PPP2R2D: variants seen among roughly 807,000 people sequenced by gnomAD.
The protein encoded by PPP2R2D is serine/threonine-protein phosphatase 2A 55 kDa regulatory subunit B delta isoform.
In PPP2R2D, 9 loss-of-function variants were observed where a neutral mutation model predicts 31.1. The ratio of observed to expected loss-of-function variants is 0.29; its 90% CI spans 0.17 to 0.51. The LOEUF is 0.51. Among genes scored for constraint, PPP2R2D ranks in the 20% least tolerant of loss-of-function variants. PPP2R2D has a pLI of 0.98. For missense variants in PPP2R2D, 391 were observed against 465.6 expected (o/e 0.84, Z 1.48); for synonymous variants, 179 against 172.6 (o/e 1.04, Z -0.29).
At chr10:131,910,617 A>G (rs2035666869) in intron 2 of PPP2R2D, among the ~76,000 whole-genome samples, 1 of 152,222 alleles carries the variant, frequency 6.6e-6, no homozygotes, top group African/African-American at 2.4e-5. Flanking sequence ...AAAAAGGGCT[A>G]GTTCAGCTTG....
chr10:131,971,182 C>G, the PPP2R2D span: 1 of 569,268 alleles, frequency 1.8e-6, no homozygotes, highest in East Asian at 3.0e-5. Flanking sequence ...CTCGCCGCCT[C>G]CAGGGACAGA....
intron 2 of PPP2R2D, among the ~76,000 whole-genome samples, chr10:131,907,311 T>C (rs1356742307): frequency 6.6e-6 from 1 of 152,216 alleles, no homozygotes; most frequent in African/African-American, 2.4e-5. Flanking sequence ...ATCTGTGCCA[T>C]TGAAGAGAAC....
At chr10:131,921,659 A>G (rs185876964) in intron 2 of PPP2R2D, among the ~76,000 whole-genome samples, 7 of 152,328 alleles carry the variant, frequency 4.6e-5, no homozygotes, top group Admixed American at 3.9e-4. Context: ...GAGTTTAAAA[A>G]ATAGAACTCA....
chr10:131,952,864 G>A (rs113243217), intron 8 of PPP2R2D, among the ~76,000 whole-genome samples: 1 of 49,188 alleles, frequency 2.0e-5, no homozygotes, highest in African/African-American at 1.1e-4. Flanking sequence ...TTGCGGGGGG[G>A]GTCCCTGTCT....
At chr10:131,903,876 A>G (rs1334664833) in intron 2 of PPP2R2D, among the ~76,000 whole-genome samples, 8 of 152,338 alleles carry the variant, frequency 5.3e-5, no homozygotes, top group African/African-American at 1.9e-4. Flanking sequence ...GTCATGCCCA[A>G]ACGCAACCTT....
downstream of PPP2R2D, among the ~76,000 whole-genome samples, chr10:131,963,617 C>T (rs1301099550): frequency 6.6e-6 from 1 of 152,254 alleles, no homozygotes; most frequent in Non-Finnish European, 1.5e-5. Context: ...TGCCACACGT[C>T]GGACGCGGCT....
intron 8 of PPP2R2D, among the ~76,000 whole-genome samples, chr10:131,950,480 A>G (rs1214521195): frequency 2.0e-5 from 3 of 151,884 alleles, no homozygotes; most frequent in Non-Finnish European, 4.4e-5. Context: ...AGTGGGAGCC[A>G]GAAGCCGTGT....
chr10:131,925,827 T>A (rs1299292242), intron 2 of PPP2R2D, among the ~76,000 whole-genome samples: 1 of 152,134 alleles, frequency 6.6e-6, no homozygotes, highest in Non-Finnish European at 1.5e-5. Context: ...CCAAGCAGGT[T>A]TCCCCCTCAC....
chr10:131,935,989 G>C (rs1394279584), intron 3 of PPP2R2D, among the ~76,000 whole-genome samples: 1 of 152,018 alleles, frequency 6.6e-6, no homozygotes, highest in East Asian at 2.0e-4. Context: ...CTTGAACCCA[G>C]GAGGCAGAGG....
At chr10:131,942,050 A>G (rs1477966095) in intron 5 of PPP2R2D, among the ~76,000 whole-genome samples, 1 of 152,184 alleles carries the variant, frequency 6.6e-6, no homozygotes, top group Non-Finnish European at 1.5e-5. Flanking sequence ...TTCCATCATC[A>G]TGAAACTGCT....
chr10:131,925,961 C>T (rs528403164), intron 2 of PPP2R2D, among the ~76,000 whole-genome samples: 56 of 152,310 alleles, frequency 3.7e-4, no homozygotes, highest in Middle Eastern at 6.8e-3. Flanking sequence ...GTCTGAGCCA[C>T]TCCATGTTGA....
At chr10:131,962,782 G>A (rs1485898045), downstream of PPP2R2D, among the ~76,000 whole-genome samples, 5 of 152,222 alleles carry the variant, frequency 3.3e-5, no homozygotes, top group Non-Finnish European at 7.3e-5. Context: ...ACCCCCAACC[G>A]CAGCCCAGCC....
chr10:131,968,597 T>C, the PPP2R2D span: 1 of 1,562,662 alleles, frequency 6.4e-7, no homozygotes, highest in Non-Finnish European at 8.8e-7. Context: ...CAGTAGTTAA[T>C]GTATCTTGTG....
rs970711470 is a variant in PPP2R2D at position 131,951,836 on chromosome 10, A to T, written c.1083-3848A>T. 2.6e-5 allele frequency among the ~76,000 whole-genome samples: 4 copies of T among 152,264 alleles called. No individual in the cohort carries two copies. In the East Asian group the frequency reaches 7.7e-4, roughly 29 times the overall value. On this transcript the variant is annotated intron_variant, in intron 8 of 8. Coordinates refer to ENST00000455566, the MANE Select transcript of PPP2R2D (RefSeq NM_018461.5). ...CTCTGTCTCAAAAAAAAACAAAAAA[A>T]ATCTGTATACAAAATATAAATGTGT...
intron 2 of PPP2R2D, among the ~76,000 whole-genome samples, chr10:131,932,660 A>AAAAAAAAAAAC (rs2036260281): frequency 6.7e-6 from 1 of 149,642 alleles, no homozygotes; most frequent in South Asian, 2.1e-4. Context: ...AAAAAAAAAA[A>AAAAAAAAAAAC]AAAAAAAACA....
At position 131,956,497 on chromosome 10, in the gene PPP2R2D, C is replaced by T. The variant is rs769921470; in HGVS notation, c.*534C>T. 4.4e-5 allele frequency: 43 copies of T among 985,402 alleles called. No individual in the cohort carries two copies. The highest frequency in any genetic ancestry group is 1.2e-4 in the African/African-American group (7 of 57,250). The allele number at this position is 985,402 out of a possible 1,614,324, so 61.0% of individuals were successfully genotyped here. A position where few individuals can be genotyped will look rare whatever the true frequency, so the allele number is the denominator to read the frequency against. The stretch of plus-strand genomic sequence containing the variant: ...CCCACAGCATCCGCCGCCACCCCTT[C>T]GGGTGTGAGCGCTCAATAAAAACAA... On this transcript the variant is annotated 3_prime_UTR_variant, in exon 9 of 9. Coordinates refer to ENST00000455566, the MANE Select transcript of PPP2R2D (RefSeq NM_018461.5).
In PPP2R2D at chr10:131,945,369, C is replaced by G; in HGVS notation, c.730C>G (p.Gln244Glu). ...VITAAEFHPH[Q>E]CNVFVYSSSK... ...CACTGCAGCCGAGTTCCACCCGCAC[C>G]AGTGCAACGTGTTCGTCTACAGCAG... Residue 244 changes from glutamine (Q) to glutamate (E), a missense_variant, in exon 7 of 9, where the codon CAG (glutamine) becomes GAG (glutamate). By Grantham distance (29) the Gln-to-Glu change is conservative. Transcript: ENST00000455566. This position sits in a 1 kb window ranked among gnomAD's most constrained non-coding sequence, Gnocchi z 4.8. The G allele has an allele frequency of 6.2e-7, 1 of 1,614,204 alleles. No homozygotes were observed. Among genetic ancestry groups the G allele is most frequent in the Non-Finnish European group, 8.5e-7 (1 of 1,180,042 alleles).
chr10:131,945,189 TA>T lies in PPP2R2D; in HGVS notation c.656-103del. ...CCAGCCTTCTTAATAGCTAATCCCT[TA>T]AACCTCACTGCGTGGATTATTTGGC... On this transcript the variant is annotated intron_variant, in intron 6 of 8. Coordinates refer to ENST00000455566, the MANE Select transcript of PPP2R2D (RefSeq NM_018461.5). This position sits in a 1 kb window ranked among gnomAD's most constrained non-coding sequence, Gnocchi z 4.8. 1 of 1,350,584 alleles carries T rather than the reference TA, an allele frequency of 7.4e-7. No individual in the cohort carries two copies. The highest frequency in any genetic ancestry group is 1.4e-5 in the South Asian group (1 of 71,160). The allele number at this position is 1,350,584 out of a possible 1,614,324, so 83.7% of individuals were successfully genotyped here.
downstream of PPP2R2D, among the ~76,000 whole-genome samples, chr10:131,964,668 T>G (rs1402780752): frequency 2.8e-5 from 3 of 105,586 alleles, no homozygotes; most frequent in Non-Finnish European, 2.0e-5. Flanking sequence ...TTTACTATGT[T>G]TTTTTTTTTT....
Sources: gnomAD v4.1 joint callset for allele counts (sites outside exome capture counted in the v4.1 genomes callset) on GRCh38, gnomAD v4.1.1 for gene constraint, Gnocchi (gnomAD v3.1) non-coding constraint, MANE v1.5 for transcripts, NCBI Gene and HGNC (gene_info 2026-07-23, HGNC 2026-07-21) for gene names.